Variants in FRYL observed in about 807,000 individuals in gnomAD.
The protein encoded by FRYL is FRY like transcription coactivator.
Under a neutral mutation model 351.2 loss-of-function variants are expected in FRYL, and 150 were observed. The observed-to-expected ratio is 0.43, with a 90% confidence interval of 0.37 to 0.49. The LOEUF is 0.49. Ranked by LOEUF, FRYL falls within the 20% of genes least tolerant of loss-of-function variation. The probability of loss-of-function intolerance (pLI) is 0.00; values close to 1 mark genes in which losing one functional copy is unlikely to be tolerated. For synonymous variants in FRYL, 1,153 were observed against 1,257.1 expected, an observed-to-expected ratio of 0.92 and a Z score of 1.75; for missense variants, 3,036 against 3,619.3, an observed-to-expected ratio of 0.84 and a Z score of 4.13.
intron 3 of FRYL, among the ~76,000 whole-genome samples, chr4:48,635,108 G>A (rs369181716): frequency 7.2e-5 from 11 of 152,306 alleles, no homozygotes; most frequent in African/African-American, 2.6e-4. Context: ...AGAAGCAGAG[G>A]TGGAAGGGGA....
At chr4:48,634,585 C>T (rs1437373696) in intron 3 of FRYL, 95 bp from the exon 4 acceptor site, 5 of 820,176 alleles carry the variant, frequency 6.1e-6, no homozygotes, top group Non-Finnish European at 7.5e-6. Context: ...TGCCTCTAAC[C>T]CTCAACCAGT....
chr4:48,734,250 G>T (rs547226663), intron 1 of FRYL, among the ~76,000 whole-genome samples: 1 of 152,266 alleles, frequency 6.6e-6, no homozygotes, highest in South Asian at 2.1e-4. Context: ...AAAAGAAAGT[G>T]GGAGTAGCTA....
chr4:48,529,342 T>TAC (rs1727011645), intron 50 of FRYL, among the ~76,000 whole-genome samples: 1 of 152,194 alleles, frequency 6.6e-6, no homozygotes, highest in Non-Finnish European at 1.5e-5. Context: ...ACCTTTGGTG[T>TAC]ATCTCCAGTG....
intron 3 of FRYL, among the ~76,000 whole-genome samples, chr4:48,683,190 G>A (rs1210251065): frequency 2.7e-5 from 4 of 149,768 alleles, no homozygotes; most frequent in African/African-American, 9.9e-5. Context: ...AACACCACAT[G>A]TTCTCACTCA....
At chr4:48,545,072 GGAGA>G (rs1412438888) in intron 42 of FRYL, among the ~76,000 whole-genome samples, 168 bp from the exon 43 acceptor site, 3 of 152,162 alleles carry the variant, frequency 2.0e-5, no homozygotes, top group African/African-American at 7.2e-5. Context: ...TCTACAGCAA[GGAGA>G]GAAAGATCTC....
intron 46 of FRYL, 132 bp from the exon 47 acceptor site, chr4:48,540,200 T>C (rs1729858366): frequency 8.6e-7 from 1 of 1,159,424 alleles, no homozygotes; most frequent in Non-Finnish European, 1.2e-6. Context: ...CTTCTAATTC[T>C]TTTTTGGCTT....
chr4:48,557,097 A>T lies in FRYL; in HGVS notation c.4147T>A (p.Ser1383Thr). 2.5e-6 allele frequency: 4 copies of T among 1,600,420 alleles called. No homozygotes were observed. Among genetic ancestry groups the T allele is most frequent in the Admixed American group, 1.7e-5 (1 of 59,250 alleles). The change falls in exon 35 of 64, where the codon TCG becomes ACG. Residue 1383 changes from serine to threonine, a missense_variant. Ser to Thr is a moderately conservative substitution (Grantham distance 58, BLOSUM62 1). Transcript: ENST00000358350. ...GTGGTCCACACATTCTCCACCTCCG[A>T]CCAGGCCAGTTCATCGCCATACTAG... ...TAKYGDELAW[S>T]EVENVWTTLA...
At chr4:48,759,021 A>C (rs186785431) in intron 1 of FRYL, among the ~76,000 whole-genome samples, 1 of 152,294 alleles carries the variant, frequency 6.6e-6, no homozygotes, top group Non-Finnish European at 1.5e-5. Context: ...CACAGGTGGG[A>C]ATTGAAGAAT....
chr4:48,681,370 C>T (rs775526175), intron 3 of FRYL, among the ~76,000 whole-genome samples: 6 of 152,044 alleles, frequency 3.9e-5, no homozygotes, highest in East Asian at 3.9e-4. Context: ...TTCATGTACG[C>T]GTACATGTAC....
At chr4:48,543,013 C>T (rs1386973494) in intron 44 of FRYL, among the ~76,000 whole-genome samples, 1 of 152,142 alleles carries the variant, frequency 6.6e-6, no homozygotes, top group Non-Finnish European at 1.5e-5. Flanking sequence ...AACCTACCTA[C>T]CTCATCAATT....
rs376282603 is a variant in FRYL at position 48,761,508 on chromosome 4, T to C, written c.-384+18570A>G. ...AGTCATATAAAAGTGTCCAGTAATA[T>C]CCTAGGCCCTCAGATTCACTTCACC... On this transcript the variant is annotated intron_variant, in intron 1 of 63. Transcript: ENST00000358350. Among the ~76,000 whole-genome samples, 4 of 152,128 alleles carry C rather than the reference T, an allele frequency of 2.6e-5. No homozygotes were observed. In the East Asian group the frequency reaches 7.7e-4, roughly 29 times the overall value.
intron 1 of FRYL, among the ~76,000 whole-genome samples, chr4:48,763,055 G>A (rs1353147016): frequency 8.2e-6 from 1 of 121,360 alleles, no homozygotes; most frequent in Non-Finnish European, 1.6e-5. Flanking sequence ...TATGTTGACT[G>A]AATTTAATGA....
At chr4:48,717,855 T>C (rs1056391114) in intron 1 of FRYL, among the ~76,000 whole-genome samples, 3 of 151,632 alleles carry the variant, frequency 2.0e-5, no homozygotes, top group African/African-American at 7.3e-5. Flanking sequence ...GTTGTACATT[T>C]TCAATTGGTG....
chr4:48,689,900 T>C (rs1282828520), intron 2 of FRYL, among the ~76,000 whole-genome samples: 2 of 148,760 alleles, frequency 1.3e-5, no homozygotes, highest in Non-Finnish European at 3.0e-5. Context: ...TTTTTCTTTT[T>C]TTTTTTTTTT....
chr4:48,644,785 G>A (rs994693331), intron 3 of FRYL, among the ~76,000 whole-genome samples: 4 of 151,838 alleles, frequency 2.6e-5, no homozygotes, highest in African/African-American at 4.8e-5. Context: ...TAATCAAGGG[G>A]TGAAAAGACC....
At chr4:48,570,721 T>A in intron 27 of FRYL, 106 bp downstream of exon 27, 1 of 763,164 alleles carries the variant, frequency 1.3e-6, no homozygotes, top group Non-Finnish European at 2.2e-6. Flanking sequence ...ATACAGGTTT[T>A]CTTGTTGCAA....
At chr4:48,615,323 A>T (rs1006361751) in intron 7 of FRYL, among the ~76,000 whole-genome samples, 1 of 152,208 alleles carries the variant, frequency 6.6e-6, no homozygotes, top group Non-Finnish European at 1.5e-5. Flanking sequence ...AAATGCTATT[A>T]AGTCTGAAAA....
Position 48,540,473 on chromosome 4 carries a change from G to A in FRYL, c.6175C>T (p.Leu2059Phe). 1.2e-6 allele frequency: 2 copies of A among 1,614,036 alleles called. No homozygotes were observed. The highest frequency in any genetic ancestry group is 1.7e-6 in the Non-Finnish European group (2 of 1,179,932). The change falls in exon 46 of 64, where the codon CTT (leucine) becomes TTT (phenylalanine). Residue 2059 changes from leucine to phenylalanine, a missense_variant. Physicochemically the swap from Leu to Phe is conservative, Grantham distance 22. This residue lies in a region of FRYL where 1,987 missense variants were observed against 2,311.7 expected (regional missense o/e 0.86). Transcript: ENST00000358350. ...AAACCCTTAAGGAAGAGCTGCTGAA[G>A]TCCTGGAAAATTAGTCCATTTCAAT... ...SKLKWTNFPG[L>F]QQLFLKGFTS...
intron 47 of FRYL, among the ~76,000 whole-genome samples, chr4:48,537,129 T>C (rs937054189): frequency 1.3e-5 from 2 of 152,234 alleles, no homozygotes; most frequent in African/African-American, 4.8e-5. Flanking sequence ...CATAATTTTA[T>C]AACTTCTCAA....
Sources: allele counts gnomAD v4.1 joint callset (sites outside exome capture counted in the v4.1 genomes callset), GRCh38; gene constraint gnomAD v4.1.1; regional missense constraint gnomAD v4.1.1; transcripts MANE v1.5; gene names NCBI Gene and HGNC (gene_info 2026-07-23, HGNC 2026-07-21).